The following DISC1 variants were observed in gnomAD, a reference collection of about 807,000 sequenced individuals.
DISC1 encodes the protein disrupted in schizophrenia 1 protein.
Under a neutral mutation model 84.5 loss-of-function variants are expected in DISC1, and 57 were observed. The observed-to-expected ratio is 0.67, with a 90% CI of 0.55 to 0.84. The LOEUF (loss-of-function observed/expected upper bound fraction) is 0.84. Ranked by LOEUF, DISC1 falls within the 40% of genes least tolerant of loss-of-function variation. The pLI is 0.00. For synonymous variants in DISC1, 411 were observed against 415.2 expected (o/e 0.99, Z 0.12); for missense variants, 1,000 against 1,057.8 (o/e 0.95, Z 0.76).
At chr1:231,831,687 A>C (rs2082237927) in intron 9 of DISC1, among the ~76,000 whole-genome samples, 1 of 152,210 alleles carries the variant, frequency 6.6e-6, no homozygotes, top group Admixed American at 6.5e-5. Flanking sequence ...TTAATGATGG[A>C]GGACCCTTGC....
intron 9 of DISC1, among the ~76,000 whole-genome samples, chr1:231,926,351 G>A (rs978777056): frequency 2.0e-5 from 3 of 152,176 alleles, no homozygotes; most frequent in Non-Finnish European, 4.4e-5. Context: ...TGTTATCCAT[G>A]TGTAATATTT....
At chr1:232,020,881 G>GAATAGGCCTAAAGCCCTT (rs1558843507) in intron 11 of DISC1, among the ~76,000 whole-genome samples, 3 of 152,176 alleles carry the variant, frequency 2.0e-5, no homozygotes, top group African/African-American at 7.2e-5. Flanking sequence ...CCTACCAGGG[G>GAATAGGCCTAAAGCCCTT]ATCTCTGCAG....
intron 9 of DISC1, among the ~76,000 whole-genome samples, chr1:231,830,195 G>A (rs1305265389): frequency 6.6e-6 from 1 of 152,116 alleles, no homozygotes; most frequent in Non-Finnish European, 1.5e-5. Flanking sequence ...TGTTTCTCAG[G>A]GCTGCTTCGA....
chr1:231,991,633 G>C (rs7536103), intron 10 of DISC1, among the ~76,000 whole-genome samples: 6 of 152,140 alleles, frequency 3.9e-5, no homozygotes, highest in Middle Eastern at 3.2e-3. Context: ...CCAAAGTTAA[G>C]GACTGTGCAT....
At chr1:231,849,141 A>C (rs1440437538) in intron 9 of DISC1, among the ~76,000 whole-genome samples, 1 of 127,816 alleles carries the variant, frequency 7.8e-6, no homozygotes, top group Non-Finnish European at 1.7e-5. Context: ...TTTTTTTGAG[A>C]CAGAATTTTG....
rs1020460886 is a variant in DISC1, at chr1:231,908,415, C to T, written c.1982-50413C>T. On this transcript the variant is annotated intron_variant, in intron 9 of 12. Coordinates refer to ENST00000439617, the MANE Select transcript of DISC1 (RefSeq NM_018662.3). ...ATATGGCTAGCCAGTTTTTCCAGCA[C>T]CATTTATTAAATAGGGAATCGTTTC... Among the ~76,000 whole-genome samples the T allele has an allele frequency of 2.0e-5, 3 of 152,142 alleles. No homozygotes were observed. The East Asian group carries it at 5.8e-4, about 29-fold the overall frequency.
rs764644321 is a variant in DISC1, at chr1:231,749,988, C to T, written c.1180C>T (p.Leu394Phe). ...AGAGAAAATCAGCCTGCACTTTCAACTTCCTTCAAGGCAGCCAGCTCTTAG... is the reference window on the plus strand; with the variant it reads ...AGAGAAAATCAGCCTGCACTTTCAATTTCCTTCAAGGCAGCCAGCTCTTAG... ...EQEKISLHFQ[L>F]PSRQPALSSF... is the part of the protein sequence containing the mutation. The change falls in exon 4 of 13, where the codon CTT becomes TTT. Residue 394 changes from leucine (L) to phenylalanine (F), a missense_variant. Coordinates refer to ENST00000439617, the MANE Select transcript of DISC1 (RefSeq NM_018662.3). 2 of 1,614,246 alleles carry T rather than the reference C, an allele frequency of 1.2e-6. No individual in the cohort carries two copies. The highest frequency in any genetic ancestry group is 3.3e-5 in the Admixed American group (2 of 60,026).
intron 9 of DISC1, chr1:231,944,024 A>G (rs2091482429): frequency 6.6e-6 from 1 of 152,124 alleles, no homozygotes. Flanking sequence ...ACACCCAGCC[A>G]CAAATATGAC....
At chr1:231,864,580 A>G (rs1483220810) in intron 9 of DISC1, among the ~76,000 whole-genome samples, 1 of 152,060 alleles carries the variant, frequency 6.6e-6, no homozygotes, top group Non-Finnish European at 1.5e-5. Flanking sequence ...GGAGAATGAC[A>G]TGAACCCGGG....
chr1:231,843,692 G>A (rs904802075), intron 9 of DISC1, among the ~76,000 whole-genome samples: 6 of 152,186 alleles, frequency 3.9e-5, no homozygotes, highest in African/African-American at 7.2e-5. Flanking sequence ...GGTCATGAGG[G>A]AGGAGATAAG....
At chr1:231,718,436 CTT>C (rs11294632) in intron 3 of DISC1, among the ~76,000 whole-genome samples, 328 of 119,602 alleles carry the variant, frequency 2.7e-3, no homozygotes, top group Non-Finnish European at 3.1e-3. Context: ...CTTTCTCTCT[CTT>C]TTTTTTTTTT....
intron 1 of DISC1, among the ~76,000 whole-genome samples, chr1:231,679,168 G>C (rs2063458719): frequency 6.6e-6 from 1 of 152,224 alleles, no homozygotes; most frequent in Admixed American, 6.5e-5. Context: ...TTGACTTCCA[G>C]TCCTTGAGGG....
intron 10 of DISC1, among the ~76,000 whole-genome samples, chr1:231,998,470 T>C (rs1261281718): frequency 6.6e-6 from 1 of 152,148 alleles, no homozygotes; most frequent in Non-Finnish European, 1.5e-5. Flanking sequence ...GTAATAACAT[T>C]TATGTAAAAC....
At chr1:231,812,935 GTCTTGATATGAATGGTC>G (rs2080459484) in intron 8 of DISC1, among the ~76,000 whole-genome samples, 1 of 152,176 alleles carries the variant, frequency 6.6e-6, no homozygotes, top group Non-Finnish European at 1.5e-5. Context: ...CATGGCTTGG[GTCTTGATATGAATGGTC>G]TCTTTGGGAA....
intron 3 of DISC1, among the ~76,000 whole-genome samples, chr1:231,727,495 A>G (rs2070885121): frequency 6.6e-6 from 1 of 152,184 alleles, no homozygotes; most frequent in Non-Finnish European, 1.5e-5. Flanking sequence ...ACACTGGGCA[A>G]GACTGGCCAT....
In DISC1 at chr1:232,041,247, A is replaced by T. The variant is rs1003538756; in HGVS notation, c.*4416A>T. 1 of 152,228 alleles carries T rather than the reference A, an allele frequency of 6.6e-6. No homozygotes were observed. The highest frequency in any genetic ancestry group is 6.5e-5 in the Admixed American group (1 of 15,286). 9.4% of individuals were successfully genotyped at this position (152,228 alleles called of 1,614,324 possible). ...ATTGTACAGTTACATCACACGAAACATTTATAATAAAGTCATGCTTTAGAA... is the reference window on the plus strand; with the variant it reads ...ATTGTACAGTTACATCACACGAAACTTTTATAATAAAGTCATGCTTTAGAA... On this transcript the variant is annotated 3_prime_UTR_variant, in exon 13 of 13. Coordinates refer to ENST00000439617, the MANE Select transcript of DISC1 (RefSeq NM_018662.3).
At chr1:231,762,361 T>G (rs1333771584) in intron 4 of DISC1, among the ~76,000 whole-genome samples, 1 of 151,208 alleles carries the variant, frequency 6.6e-6, no homozygotes, top group African/African-American at 2.4e-5. Context: ...TTTGTGGTAT[T>G]GATTGCCCTG....
intron 9 of DISC1, among the ~76,000 whole-genome samples, chr1:231,882,067 G>A (rs11122359): frequency 0.3 from 45,516 of 152,100 alleles, 7,015 homozygotes; most frequent in Non-Finnish European, 0.33. Context: ...AGGGCACAGC[G>A]GCCACAGGAG....
chr1:231,900,366 G>T (rs1228482419), intron 9 of DISC1, among the ~76,000 whole-genome samples: 4 of 152,174 alleles, frequency 2.6e-5, no homozygotes, highest in Non-Finnish European at 1.5e-5. Flanking sequence ...GAAGCAGTGG[G>T]TGCAGTTAGA....
Sources: gnomAD v4.1 joint callset for allele counts (sites outside exome capture counted in the v4.1 genomes callset) on GRCh38, gnomAD v4.1.1 for gene constraint, MANE v1.5 for transcripts, NCBI Gene and HGNC (gene_info 2026-07-23, HGNC 2026-07-21) for gene names.